The following STPG2 variants were observed in gnomAD, a reference collection of about 807,000 sequenced individuals.
STPG2 encodes the protein sperm tail PG-rich repeat containing 2, also known as sperm-tail PG-rich repeat-containing protein 2.
In STPG2, 56 loss-of-function variants were observed where a neutral mutation model predicts 54.2. The ratio of observed to expected loss-of-function variants is 1.03; its 90% confidence interval spans 0.83 to 1.29. The LOEUF (loss-of-function observed/expected upper bound fraction) is 1.29, where lower values mean the gene tolerates loss of function less well. STPG2 is among the 50% of genes most tolerant of loss of function. The pLI is 0.00. For missense variants in STPG2, 596 were observed against 544.9 expected (o/e 1.09, Z -0.93); for synonymous variants, 200 against 181.8 (o/e 1.10, Z -0.81).
intron 4 of STPG2, among the ~76,000 whole-genome samples, chr4:97,541,993 C>T (rs531408071): frequency 1.6e-4 from 25 of 152,204 alleles, no homozygotes; most frequent in African/African-American, 4.8e-4. Context: ...AAGACTTAAA[C>T]GTTAGACCTA....
intron 9 of STPG2, among the ~76,000 whole-genome samples, chr4:97,794,004 G>A (rs1242301402): frequency 1.3e-5 from 2 of 151,890 alleles, no homozygotes; most frequent in Admixed American, 1.3e-4. Context: ...TGGCTTGGAG[G>A]TTGTTGATTG....
intron 10 of STPG2, among the ~76,000 whole-genome samples, chr4:97,643,541 T>C (rs1254057977): frequency 1.3e-5 from 2 of 151,768 alleles, no homozygotes; most frequent in Non-Finnish European, 3.0e-5. Flanking sequence ...ATCTCCAAAA[T>C]ACAACCATTT....
chr4:97,451,385 G>A (rs1026682197), intron 4 of STPG2, among the ~76,000 whole-genome samples: 14 of 151,924 alleles, frequency 9.2e-5, no homozygotes, highest in Admixed American at 3.3e-4. Context: ...AGAAAGGAAG[G>A]GAAAAGGAGG....
chr4:97,886,030 T>C lies in STPG2; in HGVS notation c.1045-45098A>G, dbSNP rs1007464344. ...AAGGTGAAATGACAAAAATATGCAA[T>C]AGGCAAAGATCAAAGTGTATGTATA... On this transcript the variant is annotated intron_variant, in intron 8 of 10. Transcript: ENST00000295268. Among the ~76,000 whole-genome samples, 6 of 152,198 alleles carry C rather than the reference T, an allele frequency of 3.9e-5. No homozygotes were observed. In the South Asian group the frequency reaches 1.0e-3, roughly 26 times the overall value.
At chr4:97,828,645 C>T (rs1728342081) in intron 9 of STPG2, among the ~76,000 whole-genome samples, 1 of 152,100 alleles carries the variant, frequency 6.6e-6, no homozygotes, top group Admixed American at 6.6e-5. Context: ...ATCCACTAGC[C>T]TGAAATTTTT....
At chr4:98,035,408 T>G (rs1736740873) in intron 5 of STPG2, among the ~76,000 whole-genome samples, 1 of 152,166 alleles carries the variant, frequency 6.6e-6, no homozygotes, top group Non-Finnish European at 1.5e-5. Context: ...AGATACCATC[T>G]CATGCCAGTT....
chr4:97,878,495 C>T (rs1408082264), intron 8 of STPG2, among the ~76,000 whole-genome samples: 1 of 152,182 alleles, frequency 6.6e-6, no homozygotes, highest in African/African-American at 2.4e-5. Context: ...AACCCATAGG[C>T]TCAACATCAC....
chr4:97,924,520 C>T (rs888055351), intron 8 of STPG2, among the ~76,000 whole-genome samples: 3 of 152,144 alleles, frequency 2.0e-5, no homozygotes, highest in African/African-American at 7.2e-5. Flanking sequence ...ATATCAGTGA[C>T]TCATATTTCT....
chr4:97,553,043 C>T (rs563270330), intron 4 of STPG2, among the ~76,000 whole-genome samples: 1 of 152,282 alleles, frequency 6.6e-6, no homozygotes, highest in South Asian at 2.1e-4. Flanking sequence ...GAATAATCTA[C>T]ACCCATTATA....
intron 8 of STPG2, among the ~76,000 whole-genome samples, chr4:97,877,211 C>T (rs926023393): frequency 6.6e-6 from 1 of 152,094 alleles, no homozygotes; most frequent in Non-Finnish European, 1.5e-5. Flanking sequence ...AACATCTTCC[C>T]TTTTCTCAAC....
intron 9 of STPG2, among the ~76,000 whole-genome samples, chr4:97,801,426 C>T (rs1578577529): frequency 6.6e-6 from 1 of 152,150 alleles, no homozygotes; most frequent in Non-Finnish European, 1.5e-5. Flanking sequence ...TTCATCAACC[C>T]TAATACTACT....
intron 6 of STPG2, among the ~76,000 whole-genome samples, chr4:97,980,147 T>C (rs1002040288): frequency 4.6e-5 from 7 of 152,102 alleles, no homozygotes; most frequent in Non-Finnish European, 1.0e-4. Context: ...ATCATGCCAC[T>C]GAACTCCAGC....
At position 97,855,548 on chromosome 4, in the gene STPG2, G is replaced by T. The variant is rs114553593; in HGVS notation, c.1045-14616C>A. ...TTTTTTCTTGTAAATTTAAGTTCCT[G>T]TAGACTCTGGATATTAGTCCTTTGT... is the stretch of plus-strand genomic sequence containing the variant. On this transcript the variant is annotated intron_variant, in intron 8 of 10. Transcript: ENST00000295268. Among the ~76,000 whole-genome samples, 401 of 151,908 alleles carry T rather than the reference G, an allele frequency of 2.6e-3. 2 individuals carry two copies. Among genetic ancestry groups the T allele is most frequent in the African/African-American group, 9.1e-3 (377 of 41,446 alleles).
At chr4:97,942,688 C>T (rs1309615430) in intron 8 of STPG2, among the ~76,000 whole-genome samples, 1 of 152,000 alleles carries the variant, frequency 6.6e-6, no homozygotes, top group African/African-American at 2.4e-5. Flanking sequence ...TTTGTCATTC[C>T]CTTAAATTAG....
At chr4:97,769,985 C>A (rs1726171937) in intron 9 of STPG2, among the ~76,000 whole-genome samples, 1 of 151,910 alleles carries the variant, frequency 6.6e-6, no homozygotes, top group Admixed American at 6.6e-5. Context: ...CTGAGGCAGG[C>A]AGATCACTGT....
intron 2 of STPG2, among the ~76,000 whole-genome samples, chr4:98,132,060 C>T (rs1186959618): frequency 6.6e-6 from 1 of 151,972 alleles, no homozygotes; most frequent in Non-Finnish European, 1.5e-5. Flanking sequence ...AGCTTTTTTA[C>T]TTCAGGAATC....
chr4:98,119,397 AAAG>A (rs929205309), intron 3 of STPG2, among the ~76,000 whole-genome samples: 1 of 152,174 alleles, frequency 6.6e-6, no homozygotes, highest in African/African-American at 2.4e-5. Context: ...AGTAAAGATT[AAAG>A]AAGACAAATA....
intron 10 of STPG2, among the ~76,000 whole-genome samples, chr4:97,696,410 C>T (rs191700128): frequency 3.9e-5 from 6 of 152,268 alleles, no homozygotes; most frequent in East Asian, 1.9e-4. Flanking sequence ...AGACCTGAAA[C>T]CATACAAATT....
intron 6 of STPG2, among the ~76,000 whole-genome samples, chr4:97,978,678 A>T (rs1003792547): frequency 2.6e-5 from 4 of 152,208 alleles, no homozygotes; most frequent in Admixed American, 6.5e-5. Flanking sequence ...AAAAATAAAT[A>T]AAAAGTAATA....
Sources: allele counts gnomAD v4.1 joint callset (sites outside exome capture counted in the v4.1 genomes callset), GRCh38; gene constraint gnomAD v4.1.1; transcripts MANE v1.5; gene names NCBI Gene and HGNC (gene_info 2026-07-23, HGNC 2026-07-21).